Variants in SAMD4A observed in about 807,000 individuals in gnomAD.
The protein encoded by SAMD4A is protein Smaug homolog 1.
In SAMD4A, 33 loss-of-function variants were observed where a neutral mutation model predicts 81.3. The ratio of observed to expected loss-of-function variants is 0.41; its 90% CI spans 0.31 to 0.54. The LOEUF is 0.54. Ranked by LOEUF, SAMD4A falls within the 20% of genes least tolerant of loss-of-function variation. The probability of loss-of-function intolerance (pLI) is 0.37; values close to 1 mark genes in which losing one functional copy is unlikely to be tolerated. For missense variants in SAMD4A, 854 were observed against 951.1 expected, an observed-to-expected ratio of 0.90 and a Z score of 1.34; for synonymous variants, 389 against 382.1, an observed-to-expected ratio of 1.02 and a Z score of -0.21.
At chr14:54,728,654 T>G (rs575290313) in intron 3 of SAMD4A, among the ~76,000 whole-genome samples, 2 of 152,214 alleles carry the variant, frequency 1.3e-5, no homozygotes, top group African/African-American at 4.8e-5. Context: ...CTCACTGCCA[T>G]GCTGAGAATC....
At chr14:54,637,470 A>C (rs2035063820) in intron 2 of SAMD4A, among the ~76,000 whole-genome samples, 1 of 151,220 alleles carries the variant, frequency 6.6e-6, no homozygotes. Flanking sequence ...GAGAGGGTGG[A>C]GCTCTAGAAG....
chr14:54,633,339 C>T (rs1471638728), intron 2 of SAMD4A, among the ~76,000 whole-genome samples: 2 of 152,086 alleles, frequency 1.3e-5, no homozygotes, highest in Admixed American at 1.3e-4. Flanking sequence ...GCCAGTTTGG[C>T]TGGAGACTGG....
chr14:54,606,213 G>GTGTGCGCGTGCA (rs1555335555), intron 2 of SAMD4A, among the ~76,000 whole-genome samples: 12 of 144,418 alleles, frequency 8.3e-5, no homozygotes, highest in Admixed American at 3.3e-4. Flanking sequence ...GTGTGTGTGT[G>GTGTGCGCGTGCA]CGTGCACGTG....
chr14:54,595,045 G>A (rs1012883169), intron 2 of SAMD4A, among the ~76,000 whole-genome samples: 1 of 152,154 alleles, frequency 6.6e-6, no homozygotes, highest in African/African-American at 2.4e-5. Flanking sequence ...TCTGTGCCAT[G>A]AATATTAAGA....
chr14:54,633,813 G>T (rs558841894), intron 2 of SAMD4A, among the ~76,000 whole-genome samples: 1 of 152,272 alleles, frequency 6.6e-6, no homozygotes, highest in African/African-American at 2.4e-5. Flanking sequence ...TGGTGGTTAT[G>T]AATATATCAC....
At chr14:54,675,503 G>A (rs1285041457) in intron 2 of SAMD4A, among the ~76,000 whole-genome samples, 2 of 152,030 alleles carry the variant, frequency 1.3e-5, no homozygotes, top group East Asian at 1.9e-4. Flanking sequence ...TATGCTTTAG[G>A]TCTGACTAAG....
At chr14:54,696,401 A>G (rs2036579871) in intron 2 of SAMD4A, among the ~76,000 whole-genome samples, 1 of 152,242 alleles carries the variant, frequency 6.6e-6, no homozygotes, top group African/African-American at 2.4e-5. Context: ...GTCTTTGACC[A>G]TGTAAAACCC....
intron 2 of SAMD4A, among the ~76,000 whole-genome samples, chr14:54,590,024 G>C (rs2033731539): frequency 6.6e-6 from 1 of 152,188 alleles, no homozygotes; most frequent in South Asian, 2.1e-4. Flanking sequence ...CATGAGATGA[G>C]GGTGCTGTCG....
chr14:54,694,899 G>C, intron 2 of SAMD4A: 1 of 985,548 alleles, frequency 1.0e-6, no homozygotes, highest in Non-Finnish European at 1.2e-6. Flanking sequence ...CTCCATGGAA[G>C]AAATGACCAG....
chr14:54,623,521 G>T (rs2034671835), intron 2 of SAMD4A, among the ~76,000 whole-genome samples: 1 of 137,040 alleles, frequency 7.3e-6, no homozygotes, highest in Admixed American at 7.2e-5. Flanking sequence ...AAAGCAGGGG[G>T]AGGAAAGGTA....
rs1017819772 is a variant in SAMD4A at position 54,687,991 on chromosome 14, C to G, written c.197-14071C>G. ...AGACACTCAATAATGATGAGCTGTG[C>G]CCAGTGGACACCTGAGGAGGGAAGA... On this transcript the variant is annotated intron_variant, in intron 2 of 12. Coordinates refer to ENST00000554335, the MANE Select transcript of SAMD4A (RefSeq NM_015589.6). 3.0e-6 allele frequency: 3 copies of G among 985,656 alleles called. No individual in the cohort carries two copies. In the African/African-American group the frequency reaches 5.2e-5, roughly 17 times the overall value. The allele number at this position is 985,656 out of a possible 1,614,324, so 61.1% of individuals were successfully genotyped here.
intron 11 of SAMD4A, among the ~76,000 whole-genome samples, chr14:54,779,856 C>T (rs933530491): frequency 6.6e-6 from 1 of 152,068 alleles, no homozygotes; most frequent in Non-Finnish European, 1.5e-5. Context: ...AGAAACACTA[C>T]GAGGTGTAAT....
intron 6 of SAMD4A, among the ~76,000 whole-genome samples, chr14:54,752,399 G>A (rs2038129975): frequency 6.6e-6 from 1 of 152,222 alleles, no homozygotes; most frequent in Non-Finnish European, 1.5e-5. Context: ...CAAGAGTGGT[G>A]AGTGGGAAGT....
chr14:54,695,989 G>A (rs1408751774), intron 2 of SAMD4A, among the ~76,000 whole-genome samples: 2 of 151,752 alleles, frequency 1.3e-5, no homozygotes, highest in Non-Finnish European at 2.9e-5. Flanking sequence ...AGAAAATAGG[G>A]GGAGGGTTTA....
intron 4 of SAMD4A, 67 bp downstream of exon 4, chr14:54,737,354 AAAAG>A: frequency 6.3e-7 from 1 of 1,576,882 alleles, no homozygotes; most frequent in African/African-American, 1.4e-5. Flanking sequence ...AGAGGGTAAA[AAAAG>A]AGAGGTAGTC....
intron 4 of SAMD4A, among the ~76,000 whole-genome samples, chr14:54,738,809 G>A (rs972798489): frequency 3.3e-5 from 5 of 152,168 alleles, no homozygotes; most frequent in African/African-American, 7.2e-5. Context: ...TGAGACAGCC[G>A]TTGCTTTTAA....
At chr14:54,664,362 A>G (rs2035710065) in intron 2 of SAMD4A, among the ~76,000 whole-genome samples, 1 of 152,182 alleles carries the variant, frequency 6.6e-6, no homozygotes, top group African/African-American at 2.4e-5. Flanking sequence ...TGTCTTTTGT[A>G]GGGGCGGCAG....
chr14:54,627,183 G>C (rs1027601116), intron 2 of SAMD4A, among the ~76,000 whole-genome samples: 1 of 152,116 alleles, frequency 6.6e-6, no homozygotes, highest in Non-Finnish European at 1.5e-5. Flanking sequence ...CCCTACCCTA[G>C]CTCAAGCTCA....
chr14:54,723,943 C>T (rs1444985595), intron 3 of SAMD4A, among the ~76,000 whole-genome samples: 1 of 151,230 alleles, frequency 6.6e-6, no homozygotes, highest in Non-Finnish European at 1.5e-5. Flanking sequence ...TGTCATCCTT[C>T]CTAGTGCTTA....
Sources: gnomAD v4.1 joint callset for allele counts (sites outside exome capture counted in the v4.1 genomes callset) on GRCh38, gnomAD v4.1.1 for gene constraint, MANE v1.5 for transcripts, NCBI Gene and HGNC (gene_info 2026-07-23, HGNC 2026-07-21) for gene names.